ARHGEF7: variants seen among roughly 807,000 people sequenced by gnomAD.
ARHGEF7 encodes the protein PAK-interacting exchange factor beta.
A neutral mutation model predicts 109.8 loss-of-function variants in ARHGEF7; 33 were observed. That is an observed-to-expected ratio of 0.30 (90% CI 0.23 to 0.40). ARHGEF7 has a LOEUF of 0.40. Ranked by LOEUF, ARHGEF7 falls within the 10% of genes least tolerant of loss-of-function variation. The pLI, the probability that ARHGEF7 is intolerant of heterozygous loss-of-function variation, is 1.00. For missense variants in ARHGEF7, 938 were observed against 1,098.5 expected (o/e 0.85, Z 2.07); for synonymous variants, 458 against 424.6 (o/e 1.08, Z -0.97).
chr13:111,305,324 T>C lies in ARHGEF7; in HGVS notation c.*2211T>C, dbSNP rs1055403600. 1 of 151,966 alleles carries C rather than the reference T, an allele frequency of 6.6e-6. No individual in the cohort carries two copies. Among genetic ancestry groups the C allele is most frequent in the East Asian group, 1.9e-4 (1 of 5,180 alleles). The allele number at this position is 151,966 out of a possible 1,614,324, so 9.4% of individuals were successfully genotyped here. On this transcript the variant is annotated 3_prime_UTR_variant, in exon 22 of 22. Coordinates refer to ENST00000646102, the MANE Select transcript of ARHGEF7 (RefSeq NM_001354046.2). ...TTCACCGTGTGACCTCCCAAGGGGG[T>C]GGGAACTTGATATAAACGTTTAAAG...
At chr13:111,194,272 T>C (rs1566775724) in intron 2 of ARHGEF7, among the ~76,000 whole-genome samples, 1 of 152,172 alleles carries the variant, frequency 6.6e-6, no homozygotes, top group Non-Finnish European at 1.5e-5. Flanking sequence ...ATCTGGAGCT[T>C]GTACTAGGTT....
intron 15 of ARHGEF7, among the ~76,000 whole-genome samples, chr13:111,282,468 G>A (rs2153610531): frequency 6.9e-6 from 1 of 145,280 alleles, no homozygotes; most frequent in East Asian, 3.7e-4. Context: ...GATTAACTTT[G>A]TTTTGATTAA....
At chr13:111,221,568 T>G (rs1462223465) in intron 5 of ARHGEF7, among the ~76,000 whole-genome samples, 1 of 80,554 alleles carries the variant, frequency 1.2e-5, no homozygotes, top group African/African-American at 3.9e-5. Context: ...TCTATATATA[T>G]AGATACATAT....
chr13:111,271,951 C>T (rs919768983), intron 9 of ARHGEF7, among the ~76,000 whole-genome samples: 1 of 152,224 alleles, frequency 6.6e-6, no homozygotes, highest in Admixed American at 6.5e-5. Context: ...CACATCGTTA[C>T]TGTTTTTACA....
At chr13:111,274,579 T>A (rs2092369117) in intron 10 of ARHGEF7, 152 bp from the exon 11 acceptor site, 1 of 420,178 alleles carries the variant, frequency 2.4e-6, no homozygotes, top group African/African-American at 2.0e-5. Flanking sequence ...GCTTCGTGAT[T>A]TGCTGAAAGA....
chr13:111,128,745 T>G (rs1424650053), intron 1 of ARHGEF7, among the ~76,000 whole-genome samples: 4 of 152,142 alleles, frequency 2.6e-5, no homozygotes, highest in African/African-American at 9.7e-5. Context: ...AAATGAAAGA[T>G]CTAAGTAAAT....
intron 2 of ARHGEF7, among the ~76,000 whole-genome samples, chr13:111,197,453 C>T (rs903902382): frequency 3.9e-5 from 6 of 152,274 alleles, no homozygotes; most frequent in South Asian, 2.1e-4. Flanking sequence ...ATTTAATGAC[C>T]CTTACTGACG....
At chr13:111,194,320 G>A (rs1165564862) in intron 2 of ARHGEF7, among the ~76,000 whole-genome samples, 1 of 152,124 alleles carries the variant, frequency 6.6e-6, no homozygotes, top group Admixed American at 6.5e-5. Context: ...TCTGTCCCTG[G>A]TTCCCATTCT....
chr13:111,141,397 G>A (rs2075341290), intron 1 of ARHGEF7, among the ~76,000 whole-genome samples: 1 of 151,336 alleles, frequency 6.6e-6, no homozygotes, highest in Non-Finnish European at 1.5e-5. Context: ...TTTATTATAA[G>A]AATATTGCAA....
intron 19 of ARHGEF7, 48 bp downstream of exon 19, chr13:111,292,342 G>A: frequency 6.2e-7 from 1 of 1,606,146 alleles, no homozygotes; most frequent in Non-Finnish European, 8.5e-7. Flanking sequence ...ATGCACTTCT[G>A]AGCTTTTCTT....
chr13:111,238,740 GA>G (rs1218585405), intron 6 of ARHGEF7, among the ~76,000 whole-genome samples: 5 of 152,042 alleles, frequency 3.3e-5, no homozygotes, highest in Non-Finnish European at 5.9e-5. Flanking sequence ...CTCTCGGGGG[GA>G]TGAGGAGCAC....
At chr13:111,200,182 G>A (rs1209437195) in intron 2 of ARHGEF7, among the ~76,000 whole-genome samples, 1 of 151,740 alleles carries the variant, frequency 6.6e-6, no homozygotes, top group Admixed American at 6.6e-5. Context: ...CTTGGGCTGC[G>A]GCCTCTCTGG....
intron 16 of ARHGEF7, 75 bp from the exon 17 acceptor site, chr13:111,286,072 C>A: frequency 1.7e-6 from 2 of 1,209,726 alleles, no homozygotes; most frequent in Non-Finnish European, 2.4e-6. Context: ...TATACCTTTA[C>A]AGCAGCCTTT....
chr13:111,124,743 G>A (rs1365603272), intron 1 of ARHGEF7, among the ~76,000 whole-genome samples: 1 of 151,908 alleles, frequency 6.6e-6, no homozygotes, highest in Non-Finnish European at 1.5e-5. Context: ...CTGGGGATAG[G>A]TGTCTTCTAG....
At chr13:111,209,782 GCT>G (rs1485605934) in intron 3 of ARHGEF7, 88 bp from the exon 4 acceptor site, 82 of 1,476,558 alleles carry the variant, frequency 5.6e-5, no homozygotes, top group Non-Finnish European at 5.5e-6. Context: ...GTCCCTCTGT[GCT>G]GCCCTAGTTT....
chr13:111,188,863 C>T (rs1780161189), intron 2 of ARHGEF7, among the ~76,000 whole-genome samples: 1 of 152,166 alleles, frequency 6.6e-6, no homozygotes, highest in Admixed American at 6.5e-5. Flanking sequence ...GATGCATTTC[C>T]TCTCCTTCAG....
At chr13:111,126,811 G>T (rs1055066208) in intron 1 of ARHGEF7, among the ~76,000 whole-genome samples, 1 of 152,178 alleles carries the variant, frequency 6.6e-6, no homozygotes, top group African/African-American at 2.4e-5. Flanking sequence ...TTCTGGGAGT[G>T]AGACACCACT....
chr13:111,234,072 C>CA (rs2086462717), intron 6 of ARHGEF7, among the ~76,000 whole-genome samples: 1 of 152,110 alleles, frequency 6.6e-6, no homozygotes, highest in Non-Finnish European at 1.5e-5. Flanking sequence ...GGAAAATGCG[C>CA]ATTTGTTTTG....
intron 2 of ARHGEF7, among the ~76,000 whole-genome samples, chr13:111,155,301 C>T (rs1557247): frequency 0.77 from 117,766 of 152,170 alleles, 46,830 homozygotes; most frequent in South Asian, 0.92. Context: ...TCTCGGAAAA[C>T]CTAGAACATC....
Sources: allele counts gnomAD v4.1 joint callset (sites outside exome capture counted in the v4.1 genomes callset), GRCh38; gene constraint gnomAD v4.1.1; transcripts MANE v1.5; gene names NCBI Gene and HGNC (gene_info 2026-07-23, HGNC 2026-07-21).